Variants in TTC27 observed in about 807,000 individuals in gnomAD.
TTC27 encodes the protein tetratricopeptide repeat domain 27.
In TTC27, 79 loss-of-function variants were observed where a neutral mutation model predicts 115.9. The observed-to-expected ratio is 0.68, with a 90% CI of 0.57 to 0.82. The LOEUF (loss-of-function observed/expected upper bound fraction) is 0.82. Ranked by LOEUF, TTC27 falls within the 40% of genes least tolerant of loss-of-function variation. The pLI, the probability that TTC27 is intolerant of heterozygous loss-of-function variation, is 0.00. For synonymous variants in TTC27, 401 were observed against 356.0 expected, an observed-to-expected ratio of 1.13 and a Z score of -1.42; for missense variants, 1,054 against 993.1, an observed-to-expected ratio of 1.06 and a Z score of -0.82.
chr2:32,630,384 G>T, intron 1 of TTC27, 139 bp from the exon 2 acceptor site: 1 of 576,640 alleles, frequency 1.7e-6, no homozygotes, highest in Non-Finnish European at 2.9e-6. Flanking sequence ...TGAGTGCCTT[G>T]TGACTGACAT....
intron 4 of TTC27, among the ~76,000 whole-genome samples, chr2:32,647,122 A>G (rs1030817098): frequency 4.0e-5 from 6 of 151,798 alleles, no homozygotes; most frequent in Non-Finnish European, 5.9e-5. Context: ...CTAAAAAACA[A>G]TTTTTGTAGA....
intron 16 of TTC27, among the ~76,000 whole-genome samples, chr2:32,808,547 A>G (rs1671214210): frequency 6.6e-6 from 1 of 152,176 alleles, no homozygotes; most frequent in Non-Finnish European, 1.5e-5. Context: ...ACCCCCCACA[A>G]CAGACAGAAG....
chr2:32,652,536 T>A (rs2151871210), intron 5 of TTC27, among the ~76,000 whole-genome samples: 1 of 152,260 alleles, frequency 6.6e-6, no homozygotes, highest in African/African-American at 2.4e-5. Context: ...CAAAGAGGTC[T>A]CAGTTCTTTT....
chr2:32,688,277 C>G (rs1666700606), intron 9 of TTC27, among the ~76,000 whole-genome samples: 2 of 152,058 alleles, frequency 1.3e-5, no homozygotes, highest in African/African-American at 4.8e-5. Context: ...ATGTGAAGGT[C>G]ATTCATGAAG....
At chr2:32,783,316 A>C (rs995425459) in intron 15 of TTC27, among the ~76,000 whole-genome samples, 3 of 152,140 alleles carry the variant, frequency 2.0e-5, no homozygotes, top group Non-Finnish European at 4.4e-5. Context: ...ACTCAAGCAG[A>C]AATTTGAAGG....
At chr2:32,765,124 A>G (rs995334748) in intron 13 of TTC27, among the ~76,000 whole-genome samples, 2 of 152,168 alleles carry the variant, frequency 1.3e-5, no homozygotes. Flanking sequence ...AAGATTTTCA[A>G]TTTGCTTTGC....
At chr2:32,649,665 T>A (rs1572475684) in intron 4 of TTC27, among the ~76,000 whole-genome samples, 1 of 151,470 alleles carries the variant, frequency 6.6e-6, no homozygotes, top group Non-Finnish European at 1.5e-5. Flanking sequence ...CTGCCTCAAG[T>A]CTCCCGAGTA....
chr2:32,772,369 G>T (rs1400170047), intron 13 of TTC27, among the ~76,000 whole-genome samples: 1 of 152,070 alleles, frequency 6.6e-6, no homozygotes, highest in African/African-American at 2.4e-5. Context: ...TTCCCTTCCA[G>T]TTCTTCAAAC....
chr2:32,763,748 T>C (rs1448789989), intron 13 of TTC27, among the ~76,000 whole-genome samples: 1 of 152,236 alleles, frequency 6.6e-6, no homozygotes, highest in Non-Finnish European at 1.5e-5. Flanking sequence ...GTACCACTTA[T>C]ATTTACGCTT....
chr2:32,715,553 A>G (rs906650446), intron 10 of TTC27, among the ~76,000 whole-genome samples: 1 of 152,124 alleles, frequency 6.6e-6, no homozygotes, highest in Non-Finnish European at 1.5e-5. Flanking sequence ...GTGTAGTTGC[A>G]TGCATGCTTT....
rs113078289 is a variant in TTC27 at position 32,814,158 on chromosome 2, A to G, written c.2308+1543A>G. On this transcript the variant is annotated intron_variant, in intron 18 of 19. Transcript: ENST00000317907. ...TGAACTGCTCGTCTGTAACAGTCAA[A>G]GCCACGCTATTTTCTGAACTCACCA... 4.5e-3 allele frequency among the ~76,000 whole-genome samples: 683 copies of G among 152,348 alleles called. 9 individuals carry two copies. The highest frequency in any genetic ancestry group is 0.016 in the African/African-American group (658 of 41,574).
chr2:32,782,050 T>C (rs1449958372), intron 14 of TTC27, among the ~76,000 whole-genome samples: 1 of 152,236 alleles, frequency 6.6e-6, no homozygotes, highest in African/African-American at 2.4e-5. Context: ...GAGAAATAGA[T>C]AATTTATATC....
chr2:32,669,897 A>AG (rs1553547849), intron 7 of TTC27, among the ~76,000 whole-genome samples: 33 of 103,094 alleles, frequency 3.2e-4, no homozygotes, highest in African/African-American at 1.2e-3. Context: ...AAAAAAAAAA[A>AG]AAAAGAAAAG....
Position 32,702,764 on chromosome 2 carries a change from G to C in TTC27, c.1120-43G>C, listed in dbSNP as rs754684820. 3 of 1,313,822 alleles carry C rather than the reference G, an allele frequency of 2.3e-6. No homozygotes were observed. In the South Asian group the frequency reaches 3.6e-5, roughly 16 times the overall value. The allele number at this position is 1,313,822 out of a possible 1,614,324, so 81.4% of individuals were successfully genotyped here. ...GTCCTATTCAGAATGAGATCACCTA[G>C]CTTATCTCTTTTCTATGATTTTTTT... On this transcript the variant is annotated intron_variant, in intron 9 of 19. Coordinates refer to ENST00000317907, the MANE Select transcript of TTC27 (RefSeq NM_017735.5).
chr2:32,649,839 C>T (rs1013509756), intron 4 of TTC27, among the ~76,000 whole-genome samples: 45 of 151,906 alleles, frequency 3.0e-4, no homozygotes, highest in African/African-American at 6.8e-4. Flanking sequence ...CCATCGCACC[C>T]GGCCACAACA....
At chr2:32,664,020 C>G (rs1485622739) in intron 5 of TTC27, among the ~76,000 whole-genome samples, 2 of 151,520 alleles carry the variant, frequency 1.3e-5, no homozygotes, top group Non-Finnish European at 2.9e-5. Flanking sequence ...TTAAGACAAA[C>G]CCGCTGAGAA....
intron 9 of TTC27, among the ~76,000 whole-genome samples, chr2:32,688,596 G>T (rs1241862149): frequency 6.6e-6 from 1 of 152,064 alleles, no homozygotes; most frequent in Admixed American, 6.6e-5. Flanking sequence ...ATTAAATATG[G>T]ATAAAATATT....
At chr2:32,646,556 G>GTT (rs1378989705) in intron 4 of TTC27, among the ~76,000 whole-genome samples, 4 of 110,944 alleles carry the variant, frequency 3.6e-5, no homozygotes, top group Admixed American at 1.0e-4. Flanking sequence ...TTCTATATTT[G>GTT]GTTTTTTTTT....
At chr2:32,728,631 GT>G (rs1668191000) in intron 10 of TTC27, among the ~76,000 whole-genome samples, 1 of 152,194 alleles carries the variant, frequency 6.6e-6, no homozygotes, top group Non-Finnish European at 1.5e-5. Flanking sequence ...TTTACAGAAG[GT>G]TTTAATAAAG....
Sources: allele counts gnomAD v4.1 joint callset (sites outside exome capture counted in the v4.1 genomes callset), GRCh38; gene constraint gnomAD v4.1.1; transcripts MANE v1.5; gene names NCBI Gene and HGNC (gene_info 2026-07-23, HGNC 2026-07-21).